LRRC4C: variants seen among roughly 807,000 people sequenced by gnomAD.
The protein encoded by LRRC4C is leucine rich repeat containing 4C.
LRRC4C carries 5 observed loss-of-function variants against 33.6 expected under a neutral mutation model. The ratio of observed to expected loss-of-function variants is 0.15; its 90% CI spans 0.08 to 0.31. The LOEUF (loss-of-function observed/expected upper bound fraction) is 0.31, where lower values mean the gene tolerates loss of function less well. Among genes scored for constraint, LRRC4C ranks in the 10% least tolerant of loss-of-function variants. The pLI, the probability that LRRC4C is intolerant of heterozygous loss-of-function variation, is 1.00. For missense variants in LRRC4C, 560 were observed against 796.7 expected (o/e 0.70, Z 3.58); for synonymous variants, 329 against 302.0 (o/e 1.09, Z -0.93).
intron 6 of LRRC4C, among the ~76,000 whole-genome samples, chr11:40,127,491 C>T (rs1363744233): frequency 6.6e-6 from 1 of 151,888 alleles, no homozygotes; most frequent in African/African-American, 2.4e-5. Flanking sequence ...AGGGGCACTG[C>T]AAGCCTAACA....
chr11:40,438,540 C>A (rs1052541895), intron 3 of LRRC4C, among the ~76,000 whole-genome samples: 4 of 152,130 alleles, frequency 2.6e-5, no homozygotes, highest in Non-Finnish European at 5.9e-5. Flanking sequence ...ATGTCTAGAA[C>A]AAAGTCTGGC....
At chr11:40,712,737 C>T (rs1308520946) in intron 2 of LRRC4C, among the ~76,000 whole-genome samples, 1 of 152,002 alleles carries the variant, frequency 6.6e-6, no homozygotes, top group African/African-American at 2.4e-5. Flanking sequence ...TTGGTTTGCA[C>T]CAGAAACATA....
chr11:40,310,240 G>A (rs1421188835), intron 4 of LRRC4C, among the ~76,000 whole-genome samples: 2 of 152,172 alleles, frequency 1.3e-5, no homozygotes, highest in Non-Finnish European at 2.9e-5. Flanking sequence ...ATAGAACAGT[G>A]TGCTAGAGGC....
chr11:40,208,140 T>C (rs921086364), intron 5 of LRRC4C, among the ~76,000 whole-genome samples: 1 of 152,196 alleles, frequency 6.6e-6, no homozygotes, highest in African/African-American at 2.4e-5. Context: ...ATGACCCTTA[T>C]GCACATATAA....
chr11:40,241,184 G>A (rs1034742386), intron 5 of LRRC4C, among the ~76,000 whole-genome samples: 1 of 151,996 alleles, frequency 6.6e-6, no homozygotes, highest in Non-Finnish European at 1.5e-5. Context: ...TGAGGCAGGA[G>A]TGCCTGCAAA....
At chr11:41,262,505 T>A (rs991811820) in intron 1 of LRRC4C, among the ~76,000 whole-genome samples, 3 of 152,020 alleles carry the variant, frequency 2.0e-5, no homozygotes, top group East Asian at 3.9e-4. Context: ...ATTGAGGGCT[T>A]CTCTTTCTTG....
At chr11:40,831,668 A>G (rs1195289545) in intron 2 of LRRC4C, among the ~76,000 whole-genome samples, 1 of 152,126 alleles carries the variant, frequency 6.6e-6, no homozygotes, top group Non-Finnish European at 1.5e-5. Context: ...TCAGTTCTAC[A>G]TGGCTGCAGA....
intron 1 of LRRC4C, among the ~76,000 whole-genome samples, chr11:41,161,199 A>G (rs1944455650): frequency 6.6e-6 from 1 of 152,198 alleles, no homozygotes; most frequent in Middle Eastern, 3.2e-3. Flanking sequence ...GACATTCCAT[A>G]GTCAGTATAG....
At chr11:41,229,043 T>A (rs1370428638) in intron 1 of LRRC4C, among the ~76,000 whole-genome samples, 2 of 152,292 alleles carry the variant, frequency 1.3e-5, no homozygotes, top group East Asian at 3.9e-4. Context: ...TTGCATTTTC[T>A]GACTTTTCAT....
chr11:40,877,019 T>G (rs533351172), intron 2 of LRRC4C, among the ~76,000 whole-genome samples: 1 of 152,112 alleles, frequency 6.6e-6, no homozygotes, highest in South Asian at 2.1e-4. Context: ...ATGATGTGTA[T>G]GCTCTGTGTC....
chr11:40,582,080 C>A (rs1271641154), intron 3 of LRRC4C, among the ~76,000 whole-genome samples: 1 of 151,758 alleles, frequency 6.6e-6, no homozygotes, highest in African/African-American at 2.4e-5. Flanking sequence ...CCATTTCAGC[C>A]AAACAGAAAA....
chr11:40,469,954 G>A (rs868616888), intron 3 of LRRC4C, among the ~76,000 whole-genome samples: 30 of 152,304 alleles, frequency 2.0e-4, no homozygotes, highest in Middle Eastern at 3.4e-3. Flanking sequence ...TGTGGGAGCA[G>A]TTTCAGCAGA....
chr11:41,304,466 C>A (rs1205636566), intron 1 of LRRC4C, among the ~76,000 whole-genome samples: 25 of 88,278 alleles, frequency 2.8e-4, no homozygotes, highest in African/African-American at 1.1e-3. Flanking sequence ...CCCGGCCGCC[C>A]CTACTGGGAA....
At chr11:41,103,733 T>C (rs1941335791) in intron 1 of LRRC4C, among the ~76,000 whole-genome samples, 2 of 151,968 alleles carry the variant, frequency 1.3e-5, no homozygotes, top group Non-Finnish European at 2.9e-5. Flanking sequence ...TTTTAAAATG[T>C]ATTACAAAGC....
intron 2 of LRRC4C, among the ~76,000 whole-genome samples, chr11:40,748,644 A>G: frequency 6.6e-6 from 1 of 152,132 alleles, no homozygotes; most frequent in South Asian, 2.1e-4. Context: ...AAAAATAACT[A>G]TGAATGTAAA....
chr11:40,529,850 C>T (rs905462428), intron 3 of LRRC4C, among the ~76,000 whole-genome samples: 1 of 152,102 alleles, frequency 6.6e-6, no homozygotes, highest in African/African-American at 2.4e-5. Flanking sequence ...CATTGGAGAA[C>T]TTGATCTTGT....
At chr11:40,840,956 G>A (rs1952885691) in intron 2 of LRRC4C, among the ~76,000 whole-genome samples, 1 of 152,036 alleles carries the variant, frequency 6.6e-6, no homozygotes, top group Non-Finnish European at 1.5e-5. Context: ...TAAACAAAAA[G>A]TCTACAAACA....
intron 3 of LRRC4C, among the ~76,000 whole-genome samples, chr11:40,340,420 C>A (rs1347665741): frequency 1.3e-5 from 2 of 152,118 alleles, no homozygotes; most frequent in African/African-American, 2.4e-5. Flanking sequence ...TTTTACCCAC[C>A]TTGCTCACTG....
chr11:40,546,894 C>G (rs1198261002), intron 3 of LRRC4C, among the ~76,000 whole-genome samples: 3 of 152,128 alleles, frequency 2.0e-5, no homozygotes, highest in Non-Finnish European at 2.9e-5. Context: ...GTTAGACTCA[C>G]AAGCCCAAGC....
Sources: allele counts gnomAD v4.1 joint callset (sites outside exome capture counted in the v4.1 genomes callset), GRCh38; gene constraint gnomAD v4.1.1; transcripts MANE v1.5; gene names NCBI Gene and HGNC (gene_info 2026-07-23, HGNC 2026-07-21).